Variants in RAB28 observed in about 807,000 individuals in gnomAD.
The protein encoded by RAB28 is RAB28, member RAS oncogene family.
In RAB28, 24 loss-of-function variants were observed where a neutral mutation model predicts 31.7. The observed-to-expected ratio is 0.76, with a 90% CI of 0.55 to 1.06. The LOEUF is 1.06. Among genes scored for constraint, RAB28 ranks in the 50% least tolerant of loss-of-function variants. The pLI is 0.00. For synonymous variants in RAB28, 100 were observed against 90.4 expected (o/e 1.11, Z -0.60); for missense variants, 254 against 258.5 (o/e 0.98, Z 0.12).
At chr4:13,476,444 T>C (rs906319878) in intron 2 of RAB28, among the ~76,000 whole-genome samples, 4 of 151,560 alleles carry the variant, frequency 2.6e-5, no homozygotes, top group East Asian at 1.9e-4. Context: ...TCCACTAATA[T>C]AGAATGCTAA....
intron 6 of RAB28, among the ~76,000 whole-genome samples, chr4:13,376,256 A>T (rs1049070510): frequency 2.6e-5 from 4 of 152,146 alleles, no homozygotes; most frequent in Non-Finnish European, 5.9e-5. Flanking sequence ...GTGCCAAACA[A>T]TGTGGTCAGC....
At chr4:13,412,653 C>T (rs1712508588) in intron 4 of RAB28, among the ~76,000 whole-genome samples, 1 of 151,884 alleles carries the variant, frequency 6.6e-6, no homozygotes, top group Non-Finnish European at 1.5e-5. Context: ...GGAATCAGCA[C>T]AGACTTTATA....
At chr4:13,418,835 C>T (rs749671149) in intron 4 of RAB28, among the ~76,000 whole-genome samples, 2 of 152,200 alleles carry the variant, frequency 1.3e-5, no homozygotes, top group Admixed American at 6.5e-5. Flanking sequence ...TAGGAAGAAA[C>T]TGCATCAACT....
intron 4 of RAB28, among the ~76,000 whole-genome samples, chr4:13,384,312 C>T (rs1475265222): frequency 6.6e-6 from 1 of 152,168 alleles, no homozygotes; most frequent in Admixed American, 6.5e-5. Context: ...GCTGTGAATG[C>T]CTGCAGGGAG....
At chr4:13,453,253 T>A (rs1715072939) in intron 4 of RAB28, among the ~76,000 whole-genome samples, 2 of 152,192 alleles carry the variant, frequency 1.3e-5, no homozygotes, top group African/African-American at 4.8e-5. Flanking sequence ...ATAAGAAATG[T>A]AATTAGTTTA....
At chr4:13,477,094 T>G (rs1458623269) in intron 2 of RAB28, among the ~76,000 whole-genome samples, 6 of 151,608 alleles carry the variant, frequency 4.0e-5, no homozygotes, top group Admixed American at 6.6e-5. Flanking sequence ...CGCTGTTTAC[T>G]GGACTGTACC....
chr4:13,471,495 TATC>T (rs1716118721), intron 3 of RAB28, among the ~76,000 whole-genome samples: 1 of 152,012 alleles, frequency 6.6e-6, no homozygotes, highest in African/African-American at 2.4e-5. Flanking sequence ...GTTATTATAT[TATC>T]ATCCTTTTTT....
chr4:13,479,311 A>G (rs1716501467), intron 2 of RAB28, 119 bp downstream of exon 2: 3 of 659,970 alleles, frequency 4.5e-6, no homozygotes, highest in Admixed American at 3.0e-5. Context: ...AGATAAATTT[A>G]CTGTTTATAT....
Position 13,474,424 on chromosome 4 carries a change from A to G in RAB28, c.173-18T>C, listed in dbSNP as rs767204955. On this transcript the variant is annotated intron_variant, in intron 2 of 6. Transcript: ENST00000330852. ...CAAGTTTCCTAGAATATAAAAAATG[A>G]ATATAAAAATAAGAATACCAAAAAA... 2 of 1,442,270 alleles carry G rather than the reference A, an allele frequency of 1.4e-6. No individual in the cohort carries two copies. Among genetic ancestry groups the G allele is most frequent in the Non-Finnish European group, 9.6e-7 (1 of 1,044,336 alleles). 89.3% of individuals were successfully genotyped at this position (1,442,270 alleles called of 1,614,324 possible).
chr4:13,434,587 C>T (rs1713989724), intron 4 of RAB28, among the ~76,000 whole-genome samples: 2 of 152,164 alleles, frequency 1.3e-5, no homozygotes, highest in African/African-American at 4.8e-5. Flanking sequence ...CACCCAACCA[C>T]CACAGAATAT....
chr4:13,453,960 T>C (rs554383484), intron 4 of RAB28, among the ~76,000 whole-genome samples: 3 of 152,176 alleles, frequency 2.0e-5, no homozygotes, highest in Non-Finnish European at 4.4e-5. Flanking sequence ...TTCCATAATA[T>C]AAGTATTTGT....
chr4:13,420,286 G>C (rs565313707), intron 4 of RAB28, among the ~76,000 whole-genome samples: 5 of 152,164 alleles, frequency 3.3e-5, no homozygotes, highest in South Asian at 2.1e-4. Context: ...ACCAAAAAAA[G>C]GCCAGGACCA....
intron 2 of RAB28, among the ~76,000 whole-genome samples, chr4:13,477,172 C>T (rs1279771170): frequency 1.3e-5 from 2 of 151,586 alleles, no homozygotes; most frequent in African/African-American, 4.8e-5. Flanking sequence ...CTCTGACTAA[C>T]AGATACACTA....
intron 6 of RAB28, among the ~76,000 whole-genome samples, chr4:13,375,185 G>C (rs1279432502): frequency 1.3e-5 from 2 of 152,122 alleles, no homozygotes; most frequent in Non-Finnish European, 2.9e-5. Context: ...TAGTGATCAA[G>C]TTACTGAGTC....
intron 4 of RAB28, among the ~76,000 whole-genome samples, chr4:13,445,255 G>C (rs1486509940): frequency 6.6e-6 from 1 of 151,750 alleles, no homozygotes; most frequent in Non-Finnish European, 1.5e-5. Context: ...ATCTAAACTG[G>C]TTATTCTAGT....
intron 3 of RAB28, 81 bp from the exon 4 acceptor site, chr4:13,460,909 A>G: frequency 7.6e-7 from 1 of 1,310,974 alleles, no homozygotes; most frequent in Non-Finnish European, 1.1e-6. Context: ...AATGCTTCAG[A>G]TATGTCAAAA....
At chr4:13,461,303 C>T (rs1715579308) in intron 3 of RAB28, among the ~76,000 whole-genome samples, 2 of 152,122 alleles carry the variant, frequency 1.3e-5, no homozygotes, top group Non-Finnish European at 2.9e-5. Context: ...GTGTTTAACA[C>T]AATTTTCTTT....
At chr4:13,452,088 G>A (rs1714999951) in intron 4 of RAB28, among the ~76,000 whole-genome samples, 1 of 151,812 alleles carries the variant, frequency 6.6e-6, no homozygotes, top group Admixed American at 6.6e-5. Flanking sequence ...TTGTTCACTG[G>A]AGTCTCTAAT....
intron 4 of RAB28, among the ~76,000 whole-genome samples, chr4:13,422,227 G>C (rs1560286824): frequency 6.6e-6 from 1 of 152,158 alleles, no homozygotes; most frequent in African/African-American, 2.4e-5. Context: ...AGTTAGAATG[G>C]TGATCATTAA....
Sources: gnomAD v4.1 joint callset for allele counts (sites outside exome capture counted in the v4.1 genomes callset) on GRCh38, gnomAD v4.1.1 for gene constraint, MANE v1.5 for transcripts, NCBI Gene and HGNC (gene_info 2026-07-23, HGNC 2026-07-21) for gene names.